SFI1: variants seen among roughly 807,000 people sequenced by gnomAD.
SFI1 encodes the protein protein SFI1 homolog.
A neutral mutation model predicts 207.5 loss-of-function variants in SFI1; 195 were observed. That is an observed-to-expected ratio of 0.94 (90% CI 0.84 to 1.06). The LOEUF (loss-of-function observed/expected upper bound fraction) is 1.06, where lower values mean the gene tolerates loss of function less well. Among genes scored for constraint, SFI1 ranks in the 50% least tolerant of loss-of-function variants. SFI1 has a pLI of 0.00. For synonymous variants in SFI1, 630 were observed against 598.9 expected (o/e 1.05, Z -0.76); for missense variants, 1,634 against 1,588.0 (o/e 1.03, Z -0.49).
rs374322300 is a variant in SFI1 at position 31,617,010 on chromosome 22, C to T, written c.3444C>T (p.Asp1148=). 3.1e-6 allele frequency: 5 copies of T among 1,613,946 alleles called. No individual in the cohort carries two copies. In the African/African-American group the frequency reaches 6.7e-5, roughly 22 times the overall value. Residue 1148 remains aspartate (D), a synonymous_variant, in exon 31 of 33, where the codon GAC becomes GAT. Transcript: ENST00000400288. Reference sequence around the variant, plus strand: ...CTTCTGTCGCCATAGGCAGCCTGGACCTTGAGGCTGAACTTGAGGAGATCC... The same window carrying T: ...CTTCTGTCGCCATAGGCAGCCTGGATCTTGAGGCTGAACTTGAGGAGATCC... ...GPGLSTAGSL[D]LEAELEEIQQ...
chr22:31,503,728 C>T (rs1197950931), intron 1 of SFI1, among the ~76,000 whole-genome samples: 1 of 150,898 alleles, frequency 6.6e-6, no homozygotes, highest in Non-Finnish European at 1.5e-5. Flanking sequence ...GCTCGGATTA[C>T]AGGCATTCGC....
intron 14 of SFI1, chr22:31,587,480 TTG>T: frequency 4.2e-5 from 3 of 71,958 alleles, no homozygotes; most frequent in Non-Finnish European, 6.2e-5. Flanking sequence ...TGTTTGTGTT[TTG>T]TTTTTTTTTT....
At chr22:31,530,690 G>A (rs1170283122) in intron 3 of SFI1, 1 of 462,534 alleles carries the variant, frequency 2.2e-6, no homozygotes, top group Non-Finnish European at 4.5e-6. Flanking sequence ...AGTGCTGAGA[G>A]TACACAGCTA....
At chr22:31,603,061 C>T (rs2068376009) in intron 17 of SFI1, among the ~76,000 whole-genome samples, 1 of 152,140 alleles carries the variant, frequency 6.6e-6, no homozygotes, top group African/African-American at 2.4e-5. Context: ...GGAGAAAACC[C>T]TCTCTATTAA....
chr22:31,553,424 C>T (rs1046739971), intron 6 of SFI1, among the ~76,000 whole-genome samples: 3 of 151,162 alleles, frequency 2.0e-5, no homozygotes, highest in Admixed American at 6.6e-5. Context: ...GGCGCAATCT[C>T]GGCTCACTGC....
At chr22:31,582,336 C>T (rs1344003910) in intron 12 of SFI1, among the ~76,000 whole-genome samples, 2 of 141,830 alleles carry the variant, frequency 1.4e-5, no homozygotes, top group South Asian at 2.4e-4. Flanking sequence ...ACTGCAACCT[C>T]CACCTTCCGT....
At chr22:31,573,491 G>A (rs1435942787) in intron 9 of SFI1, among the ~76,000 whole-genome samples, 1 of 149,636 alleles carries the variant, frequency 6.7e-6, no homozygotes, top group Non-Finnish European at 1.5e-5. Context: ...AGGCTGGAGT[G>A]CAGTGGCGCA....
chr22:31,497,908 A>G (rs1008098289), intron 1 of SFI1, among the ~76,000 whole-genome samples: 3 of 152,216 alleles, frequency 2.0e-5, no homozygotes, highest in South Asian at 2.1e-4. Context: ...GTACAAAGAG[A>G]TTAATGTTAC....
At position 31,512,079 on chromosome 22, in the gene SFI1, C is replaced by T. The variant is rs543494331; in HGVS notation, c.92+3703C>T. Among the ~76,000 whole-genome samples, 236 of 152,226 alleles carry T rather than the reference C, an allele frequency of 1.6e-3. 1 individual carries two copies. The highest frequency in any genetic ancestry group is 5.4e-3 in the African/African-American group (225 of 41,544). On this transcript the variant is annotated intron_variant, in intron 2 of 32. Coordinates refer to ENST00000400288, the MANE Select transcript of SFI1 (RefSeq NM_001007467.3). ...GGTTATTGGCCGGCGCAGTGGCTCA[C>T]GCCTGTAATCCCAGCACTGTAATCC...
intron 2 of SFI1, among the ~76,000 whole-genome samples, chr22:31,525,717 CATAG>C (rs71722302): frequency 0.13 from 19,341 of 148,564 alleles, 1,525 homozygotes; most frequent in African/African-American, 0.21. Flanking sequence ...CTCTGTCATT[CATAG>C]ATAGATAGAT....
intron 22 of SFI1, among the ~76,000 whole-genome samples, chr22:31,609,959 G>A (rs923350952): frequency 6.6e-6 from 1 of 152,216 alleles, no homozygotes; most frequent in African/African-American, 2.4e-5. Context: ...AGTGTTGCCG[G>A]AAGCCGCTGC....
intron 2 of SFI1, among the ~76,000 whole-genome samples, chr22:31,514,528 A>AG (rs1311490558): frequency 6.6e-6 from 1 of 150,672 alleles, no homozygotes; most frequent in South Asian, 2.1e-4. Context: ...AAAAAAAAAA[A>AG]AAATCAACTG....
chr22:31,538,646 T>A (rs927209425), intron 4 of SFI1: 5 of 152,336 alleles, frequency 3.3e-5, no homozygotes, highest in Non-Finnish European at 7.3e-5. Context: ...TCCTAAACTT[T>A]CTTTAACTTG....
At chr22:31,608,730 G>A (rs766555500) in intron 22 of SFI1, among the ~76,000 whole-genome samples, 3 of 152,030 alleles carry the variant, frequency 2.0e-5, no homozygotes, top group Non-Finnish European at 4.4e-5. Context: ...TGCTTGTCAG[G>A]GCAGCCCCCA....
At chr22:31,535,058 GGTTTCACCTT>G (rs919172453) in intron 4 of SFI1, among the ~76,000 whole-genome samples, 2 of 151,436 alleles carry the variant, frequency 1.3e-5, no homozygotes, top group African/African-American at 2.4e-5. Flanking sequence ...GTAGAGACAG[GGTTTCACCTT>G]GTTGGCCAGG....
chr22:31,542,848 G>A (rs1056284372), intron 4 of SFI1, among the ~76,000 whole-genome samples: 4 of 151,776 alleles, frequency 2.6e-5, no homozygotes, highest in African/African-American at 7.2e-5. Context: ...TTTTGGTAGA[G>A]ATGGGGTTTC....
intron 31 of SFI1, 79 bp from the exon 32 acceptor site, chr22:31,618,036 C>G: frequency 1.4e-6 from 2 of 1,457,858 alleles, no homozygotes; most frequent in Non-Finnish European, 1.8e-6. Context: ...TCAGAATTAG[C>G]TGAGGTGCCT....
In SFI1 at chr22:31,585,153, C is replaced by G. The variant is rs763417152; in HGVS notation, c.1413+19C>G. 2 of 1,604,278 alleles carry G rather than the reference C, an allele frequency of 1.2e-6. No individual in the cohort carries two copies. Among genetic ancestry groups the G allele is most frequent in the East Asian group, 2.2e-5 (1 of 44,796 alleles). Reference sequence around the variant, plus strand: ...CAAGCAGGTATGGAGTACTTTTTAGCAGATAGCTCTACTGGCTTACATTCT... The same window carrying G: ...CAAGCAGGTATGGAGTACTTTTTAGGAGATAGCTCTACTGGCTTACATTCT... On this transcript the variant is annotated intron_variant, in intron 14 of 32. Transcript: ENST00000400288.
chr22:31,614,594 C>A, intron 27 of SFI1, 195 bp from the exon 28 acceptor site: 1 of 708,050 alleles, frequency 1.4e-6, no homozygotes, highest in Non-Finnish European at 2.6e-6. Flanking sequence ...GTGAAGCAGT[C>A]CCCTGGCGTC....
Sources: allele counts gnomAD v4.1 joint callset (sites outside exome capture counted in the v4.1 genomes callset), GRCh38; gene constraint gnomAD v4.1.1; transcripts MANE v1.5; gene names NCBI Gene and HGNC (gene_info 2026-07-23, HGNC 2026-07-21).